The following THOP1 variants were observed in gnomAD, a reference collection of about 807,000 sequenced individuals.
THOP1 encodes thimet oligopeptidase.
A neutral mutation model predicts 71.8 loss-of-function variants in THOP1; 49 were observed. The ratio of observed to expected loss-of-function variants is 0.68; its 90% CI spans 0.54 to 0.87. THOP1 has a LOEUF of 0.87. Among genes scored for constraint, THOP1 ranks in the 40% least tolerant of loss-of-function variants. THOP1 has a pLI of 0.00. For missense variants in THOP1, 843 were observed against 975.6 expected (o/e 0.86, Z 1.81); for synonymous variants, 426 against 421.5 (o/e 1.01, Z -0.13).
rs897717738 is a variant in THOP1 at position 2,810,471 on chromosome 19, G to A, written c.1623G>A (p.Glu541=). The A allele has an allele frequency of 7.0e-6, 11 of 1,564,468 alleles. No homozygotes were observed. Among genetic ancestry groups the A allele is most frequent in the Admixed American group, 1.9e-5 (1 of 51,812 alleles). ...VPRELLEKLI[E]SRQANTGLFN... is the part of the protein sequence containing the mutation. ...GGGAGCTCCTGGAGAAGCTCATTGA[G>A]TCCCGGCAGGCCAACACAGGTGCAC... Residue 541 remains glutamate (E), a synonymous_variant, in exon 10 of 13, where the codon GAG becomes GAA. Coordinates refer to ENST00000307741, the MANE Select transcript of THOP1 (RefSeq NM_003249.5).
rs755909807 is a variant in THOP1, at chr19:2,808,479, G to A, written c.1455+35G>A. ...GGCCCGGGCAGGGGCAGGGGCAGGG[G>A]CAGGGGCAGGGGCTGCCTGTGGTCA... On this transcript the variant is annotated intron_variant, in intron 9 of 12. Coordinates refer to ENST00000307741, the MANE Select transcript of THOP1 (RefSeq NM_003249.5). The A allele has an allele frequency of 4.5e-6, 7 of 1,544,022 alleles. No homozygotes were observed. The Admixed American group carries it at 9.5e-5, about 21-fold the overall frequency.
At chr19:2,799,066 C>T (rs867722752) in intron 4 of THOP1, among the ~76,000 whole-genome samples, 2 of 152,336 alleles carry the variant, frequency 1.3e-5, no homozygotes, top group South Asian at 2.1e-4. Context: ...TGACTCATGC[C>T]TGTAATCCCA....
At chr19:2,808,017 G>C in intron 8 of THOP1, 2 of 780,712 alleles carry the variant, frequency 2.6e-6, no homozygotes, top group Non-Finnish European at 3.9e-6. Flanking sequence ...CCGACAGGGC[G>C]CAGCTCTGCC....
rs1269911952 is a variant in THOP1, at chr19:2,805,987, G to A, written c.750+811G>A. On this transcript the variant is annotated intron_variant, in intron 6 of 12. Coordinates refer to ENST00000307741, the MANE Select transcript of THOP1 (RefSeq NM_003249.5). This position sits in a 1 kb window ranked among gnomAD's most constrained non-coding sequence, Gnocchi z 6.6. Reference sequence around the variant, plus strand: ...GGGATGGGCGGGTGCCCATCACTGCGGGGGGTGGGGGACGGGTGGGTACCA... The same window carrying A: ...GGGATGGGCGGGTGCCCATCACTGCAGGGGGTGGGGGACGGGTGGGTACCA... 1 of 148,492 alleles carries A rather than the reference G, an allele frequency of 6.7e-6. No homozygotes were observed. Among genetic ancestry groups the A allele is most frequent in the Middle Eastern group, 3.4e-3 (1 of 290 alleles). 9.2% of individuals were successfully genotyped at this position (148,492 alleles called of 1,614,324 possible).
chr19:2,796,089 T>A lies in THOP1; in HGVS notation c.387T>A (p.Val129=), dbSNP rs770796181. 1 of 1,613,646 alleles carries A rather than the reference T, an allele frequency of 6.2e-7. No homozygotes were observed. Among genetic ancestry groups the A allele is most frequent in the Non-Finnish European group, 8.5e-7 (1 of 1,179,804 alleles). ...TGATGTTTTTATTCCAGGAGAAAGT[T>A]CAGAAGGACTCACTGAGGCCCGAGG... ...YQRIVWLQEK[V]QKDSLRPEAA... The change falls in exon 4 of 13, where the codon GTT becomes GTA. Residue 129 remains valine, a synonymous_variant. Coordinates refer to ENST00000307741, the MANE Select transcript of THOP1 (RefSeq NM_003249.5).
At position 2,815,723 on chromosome 19, in the gene THOP1, G is replaced by A. The variant is rs1349925803; in HGVS notation, c.*2447G>A. 2.6e-5 allele frequency: 4 copies of A among 152,298 alleles called. 1 individual carries two copies. Among genetic ancestry groups the A allele is most frequent in the Admixed American group, 6.5e-5 (1 of 15,308 alleles). The allele number at this position is 152,298 out of a possible 1,614,324, so 9.4% of individuals were successfully genotyped here. A position where few individuals can be genotyped will look rare whatever the true frequency, so the allele number is the denominator to read the frequency against. The stretch of plus-strand genomic sequence containing the variant: ...GGACAGTGTGGCATTAGCATCCCCT[G>A]CCCGTCCAGGTTGTCACTCTCCTTG... On this transcript the variant is annotated 3_prime_UTR_variant, in exon 13 of 13. Transcript: ENST00000307741.
intron 2 of THOP1, among the ~76,000 whole-genome samples, chr19:2,793,309 T>C (rs991485146): frequency 7.2e-5 from 11 of 152,114 alleles, no homozygotes; most frequent in African/African-American, 2.7e-4. Context: ...CCTTAAGTGG[T>C]CACGCTCCAT....
intron 4 of THOP1, among the ~76,000 whole-genome samples, chr19:2,798,249 T>A (rs1916064849): frequency 6.6e-6 from 1 of 152,146 alleles, no homozygotes; most frequent in South Asian, 2.1e-4. Flanking sequence ...CAGGCTGGTC[T>A]CAAACTCCTA....
rs550424351 is a variant in THOP1 at position 2,813,263 on chromosome 19, C to T, written c.2057C>T (p.Pro686Leu). 5.6e-6 allele frequency: 9 copies of T among 1,609,998 alleles called. No homozygotes were observed. In the African/African-American group the frequency reaches 8.0e-5, roughly 14 times the overall value. The change falls in exon 13 of 13, where the codon CCG becomes CTG. Residue 686 changes from proline (P) to leucine (L), a missense_variant. Coordinates refer to ENST00000307741, the MANE Select transcript of THOP1 (RefSeq NM_003249.5). ...CAGGTCGGGGGCTGCGAGCCCGAGC[C>T]GCAGGTCTGCTGAGGCCTGGCACTG... Reference protein sequence around the residue: ...GLQVGGCEPEPQVC With the variant: ...GLQVGGCEPELQVC
At chr19:2,806,824 G>A (rs1044597446) in intron 6 of THOP1, 93 bp from the exon 7 acceptor site, 5 of 1,594,910 alleles carry the variant, frequency 3.1e-6, no homozygotes, top group Middle Eastern at 1.9e-4. Context: ...GACGGAGCTG[G>A]ATATGAGCCT....
chr19:2,803,889 G>A (rs539054168), intron 5 of THOP1, among the ~76,000 whole-genome samples: 44 of 152,140 alleles, frequency 2.9e-4, no homozygotes, highest in African/African-American at 9.4e-4. Flanking sequence ...TGCCTCCCTG[G>A]GGTCCCCGTG....
intron 2 of THOP1, among the ~76,000 whole-genome samples, chr19:2,790,836 A>T (rs1185925398): frequency 2.0e-5 from 3 of 152,238 alleles, no homozygotes; most frequent in African/African-American, 4.8e-5. Flanking sequence ...AGCGTCTGGC[A>T]GGTGCTGGTC....
chr19:2,812,504 C>A, intron 12 of THOP1: 2 of 1,063,572 alleles, frequency 1.9e-6, no homozygotes, highest in Non-Finnish European at 2.5e-6. Flanking sequence ...CCTCCTGAGG[C>A]AGCCTCCAGC....
Position 2,807,054 on chromosome 19 carries a change from T to TAGCC in THOP1, c.886+3_886+6dup. 6.2e-7 allele frequency: 1 copy of TAGCC among 1,606,476 alleles called. No homozygotes were observed. The highest frequency in any genetic ancestry group is 8.5e-7 in the Non-Finnish European group (1 of 1,177,006). On this transcript the variant is annotated splice_region_variant and intron_variant, in intron 7 of 12. Transcript: ENST00000307741. ...GCCAGACCGTGGCCACCTTCCTAGG[T>TAGCC]AGCCCTTCCTTCCTCCTCCACTGGG...
At chr19:2,785,733 CG>C in intron 1 of THOP1, 55 bp downstream of exon 1, 1 of 1,336,898 alleles carries the variant, frequency 7.5e-7, no homozygotes, top group Non-Finnish European at 9.6e-7. Flanking sequence ...TCGCTCCTCC[CG>C]GGGTCGCGAC....
intron 7 of THOP1, 125 bp from the exon 8 acceptor site, chr19:2,807,317 G>T: frequency 7.1e-7 from 1 of 1,406,484 alleles, no homozygotes; most frequent in Non-Finnish European, 9.3e-7. Context: ...TCGAGGGGTT[G>T]CCGGGAACTG....
Position 2,810,164 on chromosome 19 carries a change from G to A in THOP1, c.1456-140G>A. 4.4e-6 allele frequency: 5 copies of A among 1,148,356 alleles called. 1 individual carries two copies. In the South Asian group the frequency reaches 8.1e-5, roughly 19 times the overall value. 71.1% of individuals were successfully genotyped at this position (1,148,356 alleles called of 1,614,324 possible). On this transcript the variant is annotated intron_variant, in intron 9 of 12. Transcript: ENST00000307741. ...GCCTCCGGGTCCCGGTCGTTTTCCA[G>A]TTTTGGGGTGGGAGGGCCGGGCCCA...
In THOP1 at chr19:2,805,314, C is replaced by A. The variant is rs1170026051; in HGVS notation, c.750+138C>A. On this transcript the variant is annotated intron_variant, in intron 6 of 12. Transcript: ENST00000307741. The surrounding 1 kb of genome is among the most constrained non-coding windows in gnomAD (Gnocchi z 6.6). The stretch of plus-strand genomic sequence containing the variant: ...CTCCCTGGCCAGGCCCAGTGGCCAG[C>A]AGAGGCCTCCCTGTGGGGCTCTGCC... 1.9e-6 allele frequency: 2 copies of A among 1,063,612 alleles called. No homozygotes were observed. Among genetic ancestry groups the A allele is most frequent in the African/African-American group, 1.6e-5 (1 of 62,058 alleles). 65.9% of individuals were successfully genotyped at this position (1,063,612 alleles called of 1,614,324 possible). A position where few individuals can be genotyped will look rare whatever the true frequency, so the allele number is the denominator to read the frequency against.
intron 1 of THOP1, 142 bp downstream of exon 1, chr19:2,785,820 G>T: frequency 1.4e-6 from 1 of 694,300 alleles, no homozygotes; most frequent in South Asian, 4.9e-5. Context: ...GGAGGTGGAC[G>T]ACCCTGCTCT....
Sources: gnomAD v4.1 joint callset for allele counts (sites outside exome capture counted in the v4.1 genomes callset) on GRCh38, gnomAD v4.1.1 for gene constraint, Gnocchi (gnomAD v3.1) non-coding constraint, MANE v1.5 for transcripts, NCBI Gene and HGNC (gene_info 2026-07-23, HGNC 2026-07-21) for gene names.